SENP5: variants seen among roughly 807,000 people sequenced by gnomAD.
The protein encoded by SENP5 is SUMO specific peptidase 5.
SENP5 carries 21 observed loss-of-function variants against 74.2 expected under a neutral mutation model. That is an observed-to-expected ratio of 0.28 (90% CI 0.20 to 0.41). The LOEUF (loss-of-function observed/expected upper bound fraction) is 0.41. SENP5 is among the 10% of genes least tolerant of loss of function. The probability of loss-of-function intolerance (pLI) is 1.00; values close to 1 mark genes in which losing one functional copy is unlikely to be tolerated. For missense variants in SENP5, 717 were observed against 889.1 expected, an observed-to-expected ratio of 0.81 and a Z score of 2.46; for synonymous variants, 311 against 312.7, an observed-to-expected ratio of 0.99 and a Z score of 0.06.
intron 2 of SENP5, among the ~76,000 whole-genome samples, chr3:196,891,209 G>T (rs1309936648): frequency 1.3e-5 from 2 of 152,210 alleles, no homozygotes; most frequent in East Asian, 1.9e-4. Flanking sequence ...TATAACATAT[G>T]ATTTCGTTCA....
At chr3:196,884,227 G>A (rs1713849894) in intron 1 of SENP5, among the ~76,000 whole-genome samples, 1 of 152,220 alleles carries the variant, frequency 6.6e-6, no homozygotes, top group African/African-American at 2.4e-5. Flanking sequence ...TCTGTTACCA[G>A]TCAAAGACTC....
intron 6 of SENP5, among the ~76,000 whole-genome samples, chr3:196,919,893 T>C (rs1195224542): frequency 1.3e-5 from 2 of 152,152 alleles, no homozygotes; most frequent in Non-Finnish European, 2.9e-5. Flanking sequence ...CAACTGATCA[T>C]ATATGTGTAG....
At chr3:196,892,650 A>T (rs565568928) in intron 2 of SENP5, among the ~76,000 whole-genome samples, 1 of 152,202 alleles carries the variant, frequency 6.6e-6, no homozygotes, top group African/African-American at 2.4e-5. Context: ...TGTACAATAG[A>T]TCTCTAGGAC....
At chr3:196,897,991 G>A (rs1444792888) in intron 2 of SENP5, among the ~76,000 whole-genome samples, 2 of 149,682 alleles carry the variant, frequency 1.3e-5, no homozygotes, top group Admixed American at 6.7e-5. Context: ...GGCCAACATG[G>A]TGAAACCCCG....
intron 6 of SENP5, among the ~76,000 whole-genome samples, chr3:196,907,837 G>C (rs1327500864): frequency 6.6e-6 from 1 of 152,044 alleles, no homozygotes; most frequent in Non-Finnish European, 1.5e-5. Context: ...GCTGCATGCT[G>C]CCCGTGGGCT....
At chr3:196,899,168 T>C (rs1714592376) in intron 2 of SENP5, among the ~76,000 whole-genome samples, 1 of 152,112 alleles carries the variant, frequency 6.6e-6, no homozygotes, top group Admixed American at 6.6e-5. Flanking sequence ...TAATAACTTA[T>C]CAAGATGTAT....
At position 196,903,580 on chromosome 3, in the gene SENP5, A is replaced by C; in HGVS notation, c.1854A>C (p.Gly618=). The C allele has an allele frequency of 6.2e-7, 1 of 1,606,416 alleles. No individual in the cohort carries two copies. Among genetic ancestry groups the C allele is most frequent in the Non-Finnish European group, 8.5e-7 (1 of 1,177,248 alleles). ...SFFHRQLVTK[G]YNGVKRWTKK... Reference sequence around the variant, plus strand: ...TTCATAGACAGCTGGTAACCAAAGGATATAATGGAGTAAAAAGATGGACTA... The same window carrying C: ...TTCATAGACAGCTGGTAACCAAAGGCTATAATGGAGTAAAAAGATGGACTA... The change falls in exon 6 of 10, where the codon GGA becomes GGC. Residue 618 remains glycine (G), a synonymous_variant. Transcript: ENST00000323460.
chr3:196,920,447 T>C (rs1024648635), intron 6 of SENP5, among the ~76,000 whole-genome samples: 8 of 152,236 alleles, frequency 5.3e-5, no homozygotes, highest in African/African-American at 1.9e-4. Context: ...TTTTTGTATA[T>C]TCTGTGAAAT....
chr3:196,918,767 C>G (rs995102337), intron 6 of SENP5, among the ~76,000 whole-genome samples: 1 of 152,034 alleles, frequency 6.6e-6, no homozygotes. Flanking sequence ...CTACAAGAAA[C>G]TCACTTCACC....
At chr3:196,893,185 T>A (rs28558752) in intron 2 of SENP5, among the ~76,000 whole-genome samples, 3,426 of 152,308 alleles carry the variant, frequency 0.022, 136 homozygotes, top group African/African-American at 0.078. Context: ...TTCTCCACAT[T>A]CAAGTCCTTT....
intron 2 of SENP5, among the ~76,000 whole-genome samples, chr3:196,895,439 G>A (rs1577814342): frequency 6.6e-6 from 1 of 152,120 alleles, no homozygotes; most frequent in Admixed American, 6.6e-5. Context: ...ACCCGCTTCG[G>A]CTTCCCAAAG....
At chr3:196,921,569 T>G (rs1357462315) in intron 6 of SENP5, among the ~76,000 whole-genome samples, 1 of 152,200 alleles carries the variant, frequency 6.6e-6, no homozygotes, top group East Asian at 1.9e-4. Context: ...CTGGTTTTAT[T>G]TACTACTGTA....
chr3:196,897,827 T>G (rs1714508440), intron 2 of SENP5, among the ~76,000 whole-genome samples: 1 of 152,194 alleles, frequency 6.6e-6, no homozygotes, highest in South Asian at 2.1e-4. Context: ...ATGTCTGTAC[T>G]TCTGTGAGCG....
At chr3:196,908,109 C>T (rs1041195103) in intron 6 of SENP5, among the ~76,000 whole-genome samples, 1 of 151,952 alleles carries the variant, frequency 6.6e-6, no homozygotes, top group Non-Finnish European at 1.5e-5. Context: ...AGCGAGACCC[C>T]GTTTCTATAA....
At chr3:196,928,701 ACC>A (rs1234561793) in intron 8 of SENP5, among the ~76,000 whole-genome samples, 1 of 152,126 alleles carries the variant, frequency 6.6e-6, no homozygotes, top group Non-Finnish European at 1.5e-5. Context: ...TTATTAGTTC[ACC>A]CTTGAACCGA....
intron 6 of SENP5, chr3:196,914,586 AATATATATATAT>A (rs55692471): frequency 1.8e-4 from 6 of 33,502 alleles, no homozygotes; most frequent in Admixed American, 3.1e-4. Context: ...AAAAAAAAAA[AATATATATATAT>A]ATATATATAT....
chr3:196,916,902 G>A (rs867655925), intron 6 of SENP5, among the ~76,000 whole-genome samples: 5 of 152,106 alleles, frequency 3.3e-5, no homozygotes, highest in Non-Finnish European at 7.4e-5. Flanking sequence ...GGGAGGCCTA[G>A]GTGGGTAGAT....
intron 2 of SENP5, among the ~76,000 whole-genome samples, chr3:196,893,724 A>G (rs970205495): frequency 2.0e-5 from 3 of 152,086 alleles, no homozygotes; most frequent in Admixed American, 6.6e-5. Context: ...AGCCTGACCA[A>G]TATGGTGAAA....
At chr3:196,914,453 T>C (rs952982971) in intron 6 of SENP5, 1 of 149,938 alleles carries the variant, frequency 6.7e-6, no homozygotes, top group Non-Finnish European at 1.5e-5. Context: ...CCAAAAAAAT[T>C]GTACAAGTAT....
Sources: gnomAD v4.1 joint callset for allele counts (sites outside exome capture counted in the v4.1 genomes callset) on GRCh38, gnomAD v4.1.1 for gene constraint, MANE v1.5 for transcripts, NCBI Gene and HGNC (gene_info 2026-07-23, HGNC 2026-07-21) for gene names.